Variants in YWHAQ observed in about 807,000 individuals in gnomAD.
YWHAQ encodes tyrosine 3-monooxygenase/tryptophan 5-monooxygenase activation protein theta.
YWHAQ carries 6 observed loss-of-function variants against 28.3 expected under a neutral mutation model. The ratio of observed to expected loss-of-function variants is 0.21; its 90% confidence interval spans 0.12 to 0.42. The LOEUF is 0.42. Among genes scored for constraint, YWHAQ ranks in the 10% least tolerant of loss-of-function variants. The pLI is 1.00. For missense variants in YWHAQ, 201 were observed against 305.6 expected (o/e 0.66, Z 2.55); for synonymous variants, 143 against 119.1 (o/e 1.20, Z -1.31).
chr2:9,590,751 A>G (rs1351059237), intron 3 of YWHAQ, among the ~76,000 whole-genome samples: 1 of 152,138 alleles, frequency 6.6e-6, no homozygotes, highest in Admixed American at 6.5e-5. Flanking sequence ...ACTAAAATCT[A>G]TTTTTATGAC....
chr2:9,628,616 T>C (rs906862398), intron 2 of YWHAQ: 4 of 152,214 alleles, frequency 2.6e-5, no homozygotes, highest in Admixed American at 6.5e-5. Context: ...CCTTAACATA[T>C]GGAATTCTTA....
At chr2:9,589,683 T>C (rs747546420) in intron 3 of YWHAQ, among the ~76,000 whole-genome samples, 2 of 152,210 alleles carry the variant, frequency 1.3e-5, no homozygotes, top group Non-Finnish European at 2.9e-5. Context: ...TTTTTCTGAT[T>C]TGCAGAAATA....
In YWHAQ at chr2:9,630,606, C is replaced by G. The variant is rs1316507764; in HGVS notation, c.-82-72G>C. 2.3e-5 allele frequency: 16 copies of G among 698,102 alleles called. No individual in the cohort carries two copies. Among genetic ancestry groups the G allele is most frequent in the Non-Finnish European group, 3.3e-5 (15 of 449,776 alleles). 43.2% of individuals were successfully genotyped at this position (698,102 alleles called of 1,614,324 possible). A position where few individuals can be genotyped will look rare whatever the true frequency, so the allele number is the denominator to read the frequency against. The stretch of plus-strand genomic sequence containing the variant: ...AGCGCCGTCAGACAATGCGGCCCGC[C>G]GCCCGCTTTTGTCTCCCGCACACGC... On this transcript the variant is annotated intron_variant, in intron 1 of 5. Transcript: ENST00000238081. This position sits in a 1 kb window ranked among gnomAD's most constrained non-coding sequence, Gnocchi z 5.6.
intron 3 of YWHAQ, among the ~76,000 whole-genome samples, chr2:9,590,078 T>A (rs567195844): frequency 1.3e-5 from 2 of 152,172 alleles, no homozygotes; most frequent in Non-Finnish European, 2.9e-5. Context: ...TCTCAGCAAT[T>A]AGGCTATAAA....
intron 5 of YWHAQ, 80 bp downstream of exon 5, chr2:9,587,334 A>G (rs1666364696): frequency 1.5e-6 from 2 of 1,304,370 alleles, no homozygotes; most frequent in African/African-American, 1.5e-5. Context: ...TATCTTCCCT[A>G]AAAGACACGA....
At chr2:9,616,380 A>G (rs141416313) in intron 2 of YWHAQ, among the ~76,000 whole-genome samples, 4 of 151,948 alleles carry the variant, frequency 2.6e-5, no homozygotes, top group East Asian at 1.9e-4. Flanking sequence ...TCATAAGTAT[A>G]TATCTTCATG....
At chr2:9,628,627 T>G (rs1239790133) in intron 2 of YWHAQ, 1 of 152,260 alleles carries the variant, frequency 6.6e-6, no homozygotes, top group Non-Finnish European at 1.5e-5. Context: ...GGAATTCTTA[T>G]GAGTCTTCCC....
intron 2 of YWHAQ, among the ~76,000 whole-genome samples, chr2:9,604,608 A>G (rs1203082655): frequency 2.6e-5 from 4 of 152,194 alleles, no homozygotes; most frequent in African/African-American, 7.2e-5. Context: ...TACAACCACA[A>G]CCAAACATGG....
intron 2 of YWHAQ, among the ~76,000 whole-genome samples, chr2:9,627,577 C>T (rs1667272180): frequency 1.3e-5 from 2 of 152,200 alleles, no homozygotes; most frequent in Non-Finnish European, 1.5e-5. Context: ...CATCTGTAAT[C>T]CCAGGACTCT....
intron 2 of YWHAQ, among the ~76,000 whole-genome samples, chr2:9,612,566 A>G (rs1351346245): frequency 6.6e-6 from 1 of 152,250 alleles, no homozygotes; most frequent in Non-Finnish European, 1.5e-5. Flanking sequence ...CCTGACTGAC[A>G]TCAACCTTAT....
At chr2:9,611,518 A>C (rs1323995129) in intron 2 of YWHAQ, among the ~76,000 whole-genome samples, 1 of 152,236 alleles carries the variant, frequency 6.6e-6, no homozygotes, top group African/African-American at 2.4e-5. Context: ...CATGAATTGC[A>C]GTAAACTCAC....
chr2:9,623,427 T>A (rs1667182811), intron 2 of YWHAQ, among the ~76,000 whole-genome samples: 1 of 152,216 alleles, frequency 6.6e-6, no homozygotes, highest in South Asian at 2.1e-4. Flanking sequence ...ACGATCTTCT[T>A]CCCAGGGGTT....
At chr2:9,614,726 C>A (rs547563784) in intron 2 of YWHAQ, among the ~76,000 whole-genome samples, 2 of 152,306 alleles carry the variant, frequency 1.3e-5, no homozygotes, top group East Asian at 3.9e-4. Flanking sequence ...CTATGGCAAA[C>A]TGAATTAAGC....
At chr2:9,622,335 T>C (rs2125073673) in intron 2 of YWHAQ, among the ~76,000 whole-genome samples, 1 of 152,334 alleles carries the variant, frequency 6.6e-6, no homozygotes, top group East Asian at 1.9e-4. Flanking sequence ...ACATACACTA[T>C]GTACTTTTTC....
intron 2 of YWHAQ, among the ~76,000 whole-genome samples, chr2:9,604,892 T>C (rs1294258736): frequency 2.6e-5 from 4 of 152,224 alleles, no homozygotes; most frequent in African/African-American, 7.2e-5. Context: ...TTCTCAGTTA[T>C]TTTTCATTCA....
chr2:9,605,802 T>TCTGC (rs149600842), intron 2 of YWHAQ, among the ~76,000 whole-genome samples: 22,358 of 151,588 alleles, frequency 0.15, 2,031 homozygotes, highest in Middle Eastern at 0.23. Context: ...ACTCAAGTGA[T>TCTGC]CTGCCCGCTG....
At chr2:9,629,058 TG>T (rs1263553138) in intron 2 of YWHAQ, 1 of 23,510 alleles carries the variant, frequency 4.3e-5, no homozygotes, top group Admixed American at 6.3e-4. Context: ...AAAGGCGGCT[TG>T]GGGGGTGGGG....
chr2:9,598,021 A>G (rs1666613604), intron 2 of YWHAQ, among the ~76,000 whole-genome samples: 1 of 103,734 alleles, frequency 9.6e-6, no homozygotes, highest in South Asian at 2.7e-4. Flanking sequence ...TTTAGTAGAG[A>G]CAAGGTTTCT....
At chr2:9,629,850 G>A (rs528396693) in intron 2 of YWHAQ, among the ~76,000 whole-genome samples, 1 of 152,298 alleles carries the variant, frequency 6.6e-6, no homozygotes, top group African/African-American at 2.4e-5. Flanking sequence ...TCAGGACGCA[G>A]TCTCCCCGCA....
Sources: gnomAD v4.1 joint callset for allele counts (sites outside exome capture counted in the v4.1 genomes callset) on GRCh38, gnomAD v4.1.1 for gene constraint, Gnocchi (gnomAD v3.1) non-coding constraint, MANE v1.5 for transcripts, NCBI Gene and HGNC (gene_info 2026-07-23, HGNC 2026-07-21) for gene names.